SLC9D1: variants seen among roughly 807,000 people sequenced by gnomAD.
SLC9D1 encodes the protein solute carrier family 9 member D1.
chr13:113,533,775 G>A, the SLC9D1 span, among the ~76,000 whole-genome samples: 2 of 152,202 alleles, frequency 1.3e-5, no homozygotes, highest in African/African-American at 2.4e-5. Context: ...AGATAGGAAC[G>A]CTGTCAGTCG....
chr13:113,508,412 G>A, the SLC9D1 span, among the ~76,000 whole-genome samples: 10 of 152,330 alleles, frequency 6.6e-5, no homozygotes, highest in African/African-American at 2.4e-4. Context: ...TGGACAGCAC[G>A]GGTGCTTCCA....
chr13:113,491,041 C>G, the SLC9D1 span: 4 of 159,018 alleles, frequency 2.5e-5, no homozygotes, highest in Non-Finnish European at 5.5e-5. Flanking sequence ...GTCGGCTTGG[C>G]TGAGCGGGGG....
the SLC9D1 span, chr13:113,549,302 C>A: frequency 9.0e-7 from 1 of 1,116,672 alleles, no homozygotes; most frequent in Non-Finnish European, 1.3e-6. Flanking sequence ...TGACTGTGCT[C>A]AGCCTCAGGA....
At chr13:113,522,804 A>C in the SLC9D1 span, among the ~76,000 whole-genome samples, 2 of 149,872 alleles carry the variant, frequency 1.3e-5, no homozygotes, top group African/African-American at 4.9e-5. Flanking sequence ...GCTAATTTTC[A>C]TATTTTTAGT....
the SLC9D1 span, chr13:113,520,693 A>G: frequency 6.2e-7 from 1 of 1,613,986 alleles, no homozygotes. Flanking sequence ...CATGGCCGTC[A>G]TGCCGACTCT....
the SLC9D1 span, chr13:113,495,724 A>C: frequency 4.2e-5 from 67 of 1,613,474 alleles, no homozygotes; most frequent in Non-Finnish European, 5.5e-5. Context: ...CAGAGCCGGC[A>C]GTGGGTCCGG....
At chr13:113,524,237 A>G in the SLC9D1 span, 1 of 452,994 alleles carries the variant, frequency 2.2e-6, no homozygotes, top group Non-Finnish European at 4.4e-6. Flanking sequence ...CTTTGAGTTC[A>G]ATCAGCTTTT....
chr13:113,509,883 T>C, the SLC9D1 span, among the ~76,000 whole-genome samples: 1 of 152,202 alleles, frequency 6.6e-6, no homozygotes, highest in Non-Finnish European at 1.5e-5. Flanking sequence ...CTCCAACATT[T>C]ACTGGCCACG....
chr13:113,516,269 A>T, the SLC9D1 span, among the ~76,000 whole-genome samples: 1 of 152,142 alleles, frequency 6.6e-6, no homozygotes, highest in African/African-American at 2.4e-5. Context: ...ATTTTATTAG[A>T]AATTCCTATA....
the SLC9D1 span, chr13:113,530,140 A>T: frequency 1.3e-5 from 2 of 152,284 alleles, no homozygotes; most frequent in Non-Finnish European, 1.5e-5. Context: ...GATTCCATTC[A>T]TACCAACGTC....
the SLC9D1 span, among the ~76,000 whole-genome samples, chr13:113,511,251 A>C: frequency 1.3e-5 from 2 of 152,228 alleles, no homozygotes; most frequent in Non-Finnish European, 2.9e-5. Context: ...ACGGGGTCGA[A>C]ATGTCACAGT....
the SLC9D1 span, among the ~76,000 whole-genome samples, chr13:113,492,753 C>A: frequency 6.6e-6 from 1 of 152,106 alleles, no homozygotes; most frequent in Non-Finnish European, 1.5e-5. Context: ...CAAAAATTAG[C>A]TGGGTGTGGT....
At chr13:113,538,604 C>T in the SLC9D1 span, among the ~76,000 whole-genome samples, 1 of 152,238 alleles carries the variant, frequency 6.6e-6, no homozygotes, top group African/African-American at 2.4e-5. Flanking sequence ...CTGTGTCTTG[C>T]AGTGTCAGGT....
chr13:113,543,155 G>GTGACCACCACCTCCCCCTGCGC, the SLC9D1 span, among the ~76,000 whole-genome samples: 14 of 43,304 alleles, frequency 3.2e-4, 3 homozygotes, highest in Admixed American at 3.3e-3. Flanking sequence ...CGTGCCCCCC[G>GTGACCACCACCTCCCCCTGCGC]CCCTACCTCT....
At chr13:113,541,509 C>G in the SLC9D1 span, among the ~76,000 whole-genome samples, 40 of 129,942 alleles carry the variant, frequency 3.1e-4, no homozygotes, top group African/African-American at 1.0e-3. Context: ...GTGGATGATA[C>G]GCACACGATT....
At chr13:113,541,668 G>A in the SLC9D1 span, among the ~76,000 whole-genome samples, 1 of 128,276 alleles carries the variant, frequency 7.8e-6, no homozygotes, top group African/African-American at 3.0e-5. Context: ...CCGCCGAGAT[G>A]TGTGGATGAT....
the SLC9D1 span, among the ~76,000 whole-genome samples, chr13:113,494,101 G>A: frequency 6.6e-6 from 1 of 152,210 alleles, no homozygotes; most frequent in Non-Finnish European, 1.5e-5. Context: ...AGGTTTCCAG[G>A]TCGGGGAATC....
the SLC9D1 span, chr13:113,547,517 C>T: frequency 1.4e-5 from 9 of 664,476 alleles, no homozygotes; most frequent in African/African-American, 7.3e-5. Context: ...GCCCACTGGG[C>T]CACTGGACCC....
At chr13:113,496,082 G>C in the SLC9D1 span, 4 of 1,210,692 alleles carry the variant, frequency 3.3e-6, no homozygotes, top group African/African-American at 1.5e-5. Context: ...GGTGAAGAGA[G>C]AGGGAGAGTG....
Sources: gnomAD v4.1 joint callset for allele counts (sites outside exome capture counted in the v4.1 genomes callset) on GRCh38, gnomAD v4.1.1 for gene constraint, MANE v1.5 for transcripts, NCBI Gene and HGNC (gene_info 2026-07-23, HGNC 2026-07-21) for gene names.